The following CALCOCO1 variants were observed in gnomAD, a reference collection of about 807,000 sequenced individuals.
CALCOCO1 encodes calcium-binding and coiled-coil domain-containing protein 1.
A neutral mutation model predicts 86.3 loss-of-function variants in CALCOCO1; 44 were observed. The ratio of observed to expected loss-of-function variants is 0.51; its 90% CI spans 0.40 to 0.66. The LOEUF is 0.66. Among genes scored for constraint, CALCOCO1 ranks in the 30% least tolerant of loss-of-function variants. The pLI is 0.00. For missense variants in CALCOCO1, 708 were observed against 851.1 expected (o/e 0.83, Z 2.09); for synonymous variants, 297 against 327.6 (o/e 0.91, Z 1.01).
intron 4 of CALCOCO1, among the ~76,000 whole-genome samples, chr12:53,722,470 A>C (rs1945901574): frequency 6.6e-6 from 1 of 152,192 alleles, no homozygotes. Flanking sequence ...GGCACAAGTC[A>C]ATGAACACAG....
chr12:53,724,297 C>T (rs1945964631), intron 3 of CALCOCO1: 1 of 377,634 alleles, frequency 2.6e-6, no homozygotes, highest in African/African-American at 2.1e-5. Context: ...TTGCCCAAGG[C>T]CAAACAGCTT....
In CALCOCO1 at chr12:53,725,217, G is replaced by A. The variant is rs1384453256; in HGVS notation, c.26C>T (p.Ala9Val). ...AAAGTTGACTCCACCACGGGATGGT[G>A]CCCGGCTTAGTGGTGATTCTTCCAT... MEESPLSRAPSRGGVNFLN... is the reference protein window; with the variant it reads MEESPLSRVPSRGGVNFLN... The change falls in exon 2 of 15, where the codon GCA becomes GTA. Residue 9 changes from alanine to valine, a missense_variant. Ala to Val is a moderately conservative substitution (Grantham distance 64). Transcript: ENST00000550804. 6.2e-7 allele frequency: 1 copy of A among 1,606,980 alleles called. No individual in the cohort carries two copies. The highest frequency in any genetic ancestry group is 8.5e-7 in the Non-Finnish European group (1 of 1,176,760).
rs562670828 is a variant in CALCOCO1 at position 53,717,746 on chromosome 12, G to A, written c.850-1331C>T. ...AAAAAGAAAAACAACACAAGGCCAG[G>A]TGCAGTGGCTCATGCCTGCAATCTC... On this transcript the variant is annotated intron_variant, in intron 7 of 14. Coordinates refer to ENST00000550804, the MANE Select transcript of CALCOCO1 (RefSeq NM_020898.3). Among the ~76,000 whole-genome samples, 7 of 152,322 alleles carry A rather than the reference G, an allele frequency of 4.6e-5. No homozygotes were observed. In the East Asian group the frequency reaches 1.3e-3, roughly 29 times the overall value.
chr12:53,712,819 G>A, intron 14 of CALCOCO1: 13 of 1,413,818 alleles, frequency 9.2e-6, no homozygotes, highest in Non-Finnish European at 1.2e-5. Context: ...GGGGAAGCAG[G>A]GCAATTTGGG....
rs1593070624 is a variant in CALCOCO1, at chr12:53,708,617, T to A, written c.*3327A>T. 6.6e-6 allele frequency: 1 copy of A among 152,262 alleles called. No individual in the cohort carries two copies. Among genetic ancestry groups the A allele is most frequent in the East Asian group, 1.9e-4 (1 of 5,188 alleles). The allele number at this position is 152,262 out of a possible 1,614,324, so 9.4% of individuals were successfully genotyped here. On this transcript the variant is annotated 3_prime_UTR_variant, in exon 15 of 15. Coordinates refer to ENST00000550804, the MANE Select transcript of CALCOCO1 (RefSeq NM_020898.3). ...TATTATTTTGTATGTATAAAACATT[T>A]CATTAAAATAACTTAAAGATTATTT...
chr12:53,725,090 G>A lies in CALCOCO1; in HGVS notation c.153C>T (p.Phe51=). The change falls in exon 2 of 15, where the codon TTC becomes TTT. Residue 51 remains phenylalanine, a synonymous_variant. Transcript: ENST00000550804. ...MPSASDWIGI[F]KVEAACVRDY... Reference sequence around the variant, plus strand: ...CCAAAAGGGGTTCCAGAGATACCTTGAAGATGCCAATCCAGTCACTGGCAC... The same window carrying A: ...CCAAAAGGGGTTCCAGAGATACCTTAAAGATGCCAATCCAGTCACTGGCAC... 1 of 1,597,314 alleles carries A rather than the reference G, an allele frequency of 6.3e-7. No homozygotes were observed. Among genetic ancestry groups the A allele is most frequent in the Non-Finnish European group, 8.5e-7 (1 of 1,172,568 alleles).
rs764010169 is a variant in CALCOCO1, at chr12:53,722,155, C to T, written c.479G>A (p.Arg160Gln). ...QNQLDESQQE[R>Q]NDLMQLKLQL... is the part of the protein sequence containing the mutation. ...TAGCTTCAGCTGCATCAGGTCATTC[C>T]GTTCTTGCTGGCTCTCATCGAGCTG... Residue 160 changes from arginine to glutamine, a missense_variant, in exon 5 of 15, where the codon CGG (arginine) becomes CAG (glutamine). Transcript: ENST00000550804. 8.7e-6 allele frequency: 14 copies of T among 1,613,610 alleles called. No homozygotes were observed. The highest frequency in any genetic ancestry group is 2.2e-5 in the South Asian group (2 of 91,084).
In CALCOCO1 at chr12:53,716,278, G is replaced by C. The variant is rs1945724433; in HGVS notation, c.987C>G (p.Gly329=). 1 of 1,613,988 alleles carries C rather than the reference G, an allele frequency of 6.2e-7. No homozygotes were observed. Among genetic ancestry groups the C allele is most frequent in the Non-Finnish European group, 8.5e-7 (1 of 1,179,948 alleles). Reference sequence around the variant, plus strand: ...CACTCACCACCCGCTGCTGGGCCTGGCCTAGGGTGTCCTTCATCTGGGCCA... The same window carrying C: ...CACTCACCACCCGCTGCTGGGCCTGCCCTAGGGTGTCCTTCATCTGGGCCA... ...DKVAQMKDTL[G]QAQQRVAELE... Residue 329 remains glycine (G), a synonymous_variant, in exon 8 of 15, where the codon GGC becomes GGG. Coordinates refer to ENST00000550804, the MANE Select transcript of CALCOCO1 (RefSeq NM_020898.3).
At position 53,723,641 on chromosome 12, in the gene CALCOCO1, A is replaced by T. The variant is rs1377325706; in HGVS notation, c.402T>A (p.Asp134Glu). 3.1e-6 allele frequency: 5 copies of T among 1,614,070 alleles called. No homozygotes were observed. The Admixed American group carries it at 8.3e-5, about 27-fold the overall frequency. ...CAACCAGCAGGATGTCAGAGCCCCCATCAGCCTCCTCCAGGGTCACCAGTT... is the reference window on the plus strand; with the variant it reads ...CAACCAGCAGGATGTCAGAGCCCCCTTCAGCCTCCTCCAGGGTCACCAGTT... Reference protein sequence around the residue: ...MDELVTLEEADGGSDILLVVP... With the variant: ...MDELVTLEEAEGGSDILLVVP... Residue 134 changes from aspartate (D) to glutamate (E), a missense_variant, in exon 4 of 15, where the codon GAT becomes GAA. Coordinates refer to ENST00000550804, the MANE Select transcript of CALCOCO1 (RefSeq NM_020898.3).
rs765944416 is a variant in CALCOCO1 at position 53,723,528 on chromosome 12, G to A, written c.450+65C>T. 9.7e-6 allele frequency: 15 copies of A among 1,545,490 alleles called. No homozygotes were observed. The South Asian group carries it at 1.7e-4, about 17-fold the overall frequency. On this transcript the variant is annotated intron_variant, in intron 4 of 14. Coordinates refer to ENST00000550804, the MANE Select transcript of CALCOCO1 (RefSeq NM_020898.3). Reference sequence around the variant, plus strand: ...AGATGAGGGGAGGGTAAGGTGGGAAGGGTCCTCTTGCAATGCTGTCTCCCA... The same window carrying A: ...AGATGAGGGGAGGGTAAGGTGGGAAAGGTCCTCTTGCAATGCTGTCTCCCA...
chr12:53,724,978 C>T, intron 2 of CALCOCO1, 109 bp downstream of exon 2: 4 of 1,263,098 alleles, frequency 3.2e-6, no homozygotes, highest in Non-Finnish European at 4.4e-6. Flanking sequence ...ACATCTTTCT[C>T]TCTTCTTCTC....
At chr12:53,716,116 C>T (rs1945718649) in intron 8 of CALCOCO1, 69 bp from the exon 9 acceptor site, 2 of 1,592,496 alleles carry the variant, frequency 1.3e-6, no homozygotes, top group Admixed American at 3.4e-5. Context: ...GAGGTAAACG[C>T]TCCCTCCACT....
chr12:53,713,836 A>G lies in CALCOCO1; in HGVS notation c.1656T>C (p.Tyr552=), dbSNP rs769523405. 31 of 1,553,122 alleles carry G rather than the reference A, an allele frequency of 2.0e-5. No individual in the cohort carries two copies. Among genetic ancestry groups the G allele is most frequent in the Non-Finnish European group, 2.6e-6 (3 of 1,151,726 alleles). Residue 552 remains tyrosine, a synonymous_variant, in exon 13 of 15, where the codon TAT becomes TAC. Transcript: ENST00000550804. ...ESPEDMRLPP[Y]GLCERGDPGS... ...CTGGGTCTCCACGCTCACAAAGGCC[A>G]TAGGGTGGGAGCCTCATGTCTTCTG...
chr12:53,718,644 T>C (rs1945790744), intron 7 of CALCOCO1, among the ~76,000 whole-genome samples: 1 of 152,020 alleles, frequency 6.6e-6, no homozygotes, highest in Non-Finnish European at 1.5e-5. Flanking sequence ...TCCTTCCACC[T>C]CAGCTTCCTG....
chr12:53,724,950 C>T (rs943745189), intron 2 of CALCOCO1, 137 bp downstream of exon 2: 160 of 1,000,956 alleles, frequency 1.6e-4, no homozygotes, highest in Non-Finnish European at 1.9e-4. Flanking sequence ...GTTATACAGG[C>T]GGCCTCTGTC....
Position 53,715,994 on chromosome 12 carries a change from G to A in CALCOCO1, c.1059C>T (p.Ala353=), listed in dbSNP as rs1202490834. ...GAAGGGTGGCTTTCTGCTGGCTTGA[G>A]GCTGCAAGCTCCTGGGCCCCTCGAA... The part of the protein sequence containing the change: ...EQLRGAQELA[A]SSQQKATLLG... Residue 353 remains alanine, a synonymous_variant, in exon 9 of 15, where the codon GCC becomes GCT. Transcript: ENST00000550804. 6.2e-7 allele frequency: 1 copy of A among 1,613,896 alleles called. No individual in the cohort carries two copies. The highest frequency in any genetic ancestry group is 2.2e-5 in the East Asian group (1 of 44,900).
At chr12:53,714,881 C>CA (rs559489266) in intron 10 of CALCOCO1, among the ~76,000 whole-genome samples, 188 bp from the exon 11 acceptor site, 155 of 152,272 alleles carry the variant, frequency 1.0e-3, no homozygotes, top group African/African-American at 3.6e-3. Flanking sequence ...CACAGATACT[C>CA]AGTTTTCTAA....
At position 53,725,679 on chromosome 12, in the gene CALCOCO1, GGT is replaced by G. The variant is rs1946009431; in HGVS notation, c.-24-415_-24-414del. The stretch of plus-strand genomic sequence containing the variant: ...GGTGTGGGGCCCTCTCATTGAGAGA[GGT>G]GTCCTTACCTACTCCTAAGCTTGTT... On this transcript the variant is annotated intron_variant, in intron 1 of 14. Coordinates refer to ENST00000550804, the MANE Select transcript of CALCOCO1 (RefSeq NM_020898.3). 3 of 153,654 alleles carry G rather than the reference GGT, an allele frequency of 2.0e-5. No homozygotes were observed. The Admixed American group carries it at 2.0e-4, about 10-fold the overall frequency. The allele number at this position is 153,654 out of a possible 1,614,324, so 9.5% of individuals were successfully genotyped here.
chr12:53,713,444 G>A (rs1388962153), intron 13 of CALCOCO1, among the ~76,000 whole-genome samples: 1 of 152,154 alleles, frequency 6.6e-6, no homozygotes, highest in Non-Finnish European at 1.5e-5. Flanking sequence ...TACTGGTGTG[G>A]CACTGAAGAG....
Sources: allele counts gnomAD v4.1 joint callset (sites outside exome capture counted in the v4.1 genomes callset), GRCh38; gene constraint gnomAD v4.1.1; transcripts MANE v1.5; gene names NCBI Gene and HGNC (gene_info 2026-07-23, HGNC 2026-07-21).